The following FBN1 variants were observed in gnomAD, a reference collection of about 807,000 sequenced individuals.
FBN1 encodes fibrillin-1.
FBN1 carries 29 observed loss-of-function variants against 365.1 expected under a neutral mutation model. That is an observed-to-expected ratio of 0.08 (90% CI 0.06 to 0.11). The LOEUF (loss-of-function observed/expected upper bound fraction) is 0.11. Among genes scored for constraint, FBN1 ranks in the 10% least tolerant of loss-of-function variants. FBN1 has a pLI of 1.00. For missense variants in FBN1, 2,476 were observed against 3,703.2 expected, an observed-to-expected ratio of 0.67 and a Z score of 8.60; for synonymous variants, 1,210 against 1,270.5, an observed-to-expected ratio of 0.95 and a Z score of 1.01.
intron 6 of FBN1, among the ~76,000 whole-genome samples, chr15:48,562,549 T>C (rs1237850928): frequency 2.0e-5 from 3 of 152,188 alleles, no homozygotes; most frequent in African/African-American, 7.2e-5. Flanking sequence ...TTAAATTAAC[T>C]CAAGTCTTGG....
At chr15:48,573,150 G>A (rs1174723704) in intron 6 of FBN1, among the ~76,000 whole-genome samples, 1 of 152,136 alleles carries the variant, frequency 6.6e-6, no homozygotes, top group Non-Finnish European at 1.5e-5. Context: ...TTTCAACTAA[G>A]AAAGAAATCT....
chr15:48,484,488 C>T (rs1049900379), intron 30 of FBN1, among the ~76,000 whole-genome samples: 2 of 152,036 alleles, frequency 1.3e-5, no homozygotes, highest in Non-Finnish European at 2.9e-5. Context: ...TCTCCTGCCT[C>T]AGCCTCCCAA....
At chr15:48,420,588 T>G in intron 63 of FBN1, 99 bp downstream of exon 63, 1 of 1,494,638 alleles carries the variant, frequency 6.7e-7, no homozygotes. Context: ...TGAGTATTTG[T>G]TGCTTCAATA....
In FBN1 at chr15:48,488,285, C is replaced by A. The variant is rs771534360; in HGVS notation, c.3209-44G>T. 3.1e-6 allele frequency: 5 copies of A among 1,614,068 alleles called. No homozygotes were observed. The South Asian group carries it at 5.5e-5, about 18-fold the overall frequency. On this transcript the variant is annotated intron_variant, in intron 26 of 65. Coordinates refer to ENST00000316623, the MANE Select transcript of FBN1 (RefSeq NM_000138.5). ...TGGCAGCAAATGAGTCTCAGGACAGCCTTAATTCTTGCGACAATATGTTAA... is the reference window on the plus strand; with the variant it reads ...TGGCAGCAAATGAGTCTCAGGACAGACTTAATTCTTGCGACAATATGTTAA...
intron 2 of FBN1, among the ~76,000 whole-genome samples, chr15:48,617,415 C>T (rs964165621): frequency 3.9e-5 from 6 of 152,042 alleles, no homozygotes; most frequent in Admixed American, 1.3e-4. Context: ...CCTCGTGATC[C>T]GCCCGCCTCT....
chr15:48,521,905 C>T lies in FBN1; in HGVS notation c.989-1088G>A, dbSNP rs756559939. ...CCCAATCCCCAGTTCTGGTCTGTGGCGTGTTAGGAACTGGGCTGTACAGCA... is the reference window on the plus strand; with the variant it reads ...CCCAATCCCCAGTTCTGGTCTGTGGTGTGTTAGGAACTGGGCTGTACAGCA... On this transcript the variant is annotated intron_variant, in intron 9 of 65. Coordinates refer to ENST00000316623, the MANE Select transcript of FBN1 (RefSeq NM_000138.5). 3.9e-5 allele frequency among the ~76,000 whole-genome samples: 6 copies of T among 152,178 alleles called. No individual in the cohort carries two copies. The South Asian group carries it at 1.0e-3, about 26-fold the overall frequency.
intron 2 of FBN1, among the ~76,000 whole-genome samples, chr15:48,621,181 G>A (rs564279588): frequency 6.6e-6 from 1 of 152,210 alleles, no homozygotes; most frequent in Non-Finnish European, 1.5e-5. Context: ...TAATTTTGTA[G>A]ATGCTCTGCC....
chr15:48,618,993 T>C (rs1003017613), intron 2 of FBN1, among the ~76,000 whole-genome samples: 1 of 152,134 alleles, frequency 6.6e-6, no homozygotes, highest in Admixed American at 6.5e-5. Context: ...TGTATAATTA[T>C]CTCATAATAT....
At chr15:48,618,495 T>C (rs1443976322) in intron 2 of FBN1, among the ~76,000 whole-genome samples, 1 of 152,196 alleles carries the variant, frequency 6.6e-6, no homozygotes, top group Non-Finnish European at 1.5e-5. Flanking sequence ...CCAGTAGTGA[T>C]GTGAATACCT....
At chr15:48,486,748 G>C (rs1197652609) in intron 29 of FBN1, among the ~76,000 whole-genome samples, 2 of 152,178 alleles carry the variant, frequency 1.3e-5, no homozygotes, top group Non-Finnish European at 2.9e-5. Context: ...GTATGCATGT[G>C]TGTAGACAAA....
rs1003930679 is a variant in FBN1 at position 48,495,393 on chromosome 15, C to A, written c.2539+76G>T. 5.0e-6 allele frequency: 8 copies of A among 1,597,088 alleles called. No individual in the cohort carries two copies. In the Admixed American group the frequency reaches 8.5e-5, roughly 17 times the overall value. On this transcript the variant is annotated intron_variant, in intron 21 of 65. Coordinates refer to ENST00000316623, the MANE Select transcript of FBN1 (RefSeq NM_000138.5). ...AATATTGTTCATCCATACTTAAATT[C>A]TTTTGCAGGAAAAGCTGACATTAAG... is the stretch of plus-strand genomic sequence containing the variant.
intron 23 of FBN1, 53 bp downstream of exon 23, chr15:48,494,151 C>T (rs551601609): frequency 7.0e-7 from 1 of 1,424,582 alleles, no homozygotes; most frequent in Non-Finnish European, 9.9e-7. Context: ...CGAGTTAACA[C>T]AAACATTCAT....
At chr15:48,580,698 T>C (rs757412331) in intron 6 of FBN1, among the ~76,000 whole-genome samples, 1 of 152,154 alleles carries the variant, frequency 6.6e-6, no homozygotes, top group South Asian at 2.1e-4. Context: ...TGTGACCAAA[T>C]GTTTCTCAGG....
In FBN1 at chr15:48,438,055, T is replaced by A. The variant is rs1312179537; in HGVS notation, c.6164-138A>T. 3.3e-6 allele frequency: 3 copies of A among 897,094 alleles called. No homozygotes were observed. In the East Asian group the frequency reaches 7.4e-5, roughly 22 times the overall value. 55.6% of individuals were successfully genotyped at this position (897,094 alleles called of 1,614,324 possible). A position where few individuals can be genotyped will look rare whatever the true frequency, so the allele number is the denominator to read the frequency against. On this transcript the variant is annotated intron_variant, in intron 50 of 65. Transcript: ENST00000316623. ...AGCAATACTCCTTACGTGATTCTAA[T>A]GGTAACTGAGCTGAGATTGTTAAAG...
In FBN1 at chr15:48,632,287, T is replaced by A. The variant is rs192435175; in HGVS notation, c.164+12319A>T. On this transcript the variant is annotated intron_variant, in intron 2 of 65. Transcript: ENST00000316623. ...GGAGACTGTGGTATCCAGATAGGTA[T>A]GATTATCTAGATTTTTGCTTTAGCC... Among the ~76,000 whole-genome samples, 27 of 152,328 alleles carry A rather than the reference T, an allele frequency of 1.8e-4. No individual in the cohort carries two copies. The East Asian group carries it at 5.2e-3, about 29-fold the overall frequency.
In FBN1 at chr15:48,488,184, G is replaced by T. The variant is rs2043525347; in HGVS notation, c.3266C>A (p.Thr1089Asn). ...DLCGRGQCVN[T>N]PGDFECKCDE... is the part of the protein sequence containing the mutation. Reference sequence around the variant, plus strand: ...ACACTTGCATTCAAAGTCCCCAGGGGTGTTCACACACTGGCCTCTGCCACA... The same window carrying T: ...ACACTTGCATTCAAAGTCCCCAGGGTTGTTCACACACTGGCCTCTGCCACA... The change falls in exon 27 of 66, where the codon ACC becomes AAC. Residue 1089 changes from threonine to asparagine, a missense_variant. This residue lies in a region of FBN1 where 1,780 missense variants were observed against 2,840.8 expected (regional missense o/e 0.63). Transcript: ENST00000316623. 6.2e-7 allele frequency: 1 copy of T among 1,614,164 alleles called. No individual in the cohort carries two copies. Among genetic ancestry groups the T allele is most frequent in the Non-Finnish European group, 8.5e-7 (1 of 1,180,012 alleles).
intron 56 of FBN1, among the ~76,000 whole-genome samples, chr15:48,430,272 T>C (rs546264064): frequency 3.9e-5 from 6 of 152,184 alleles, no homozygotes; most frequent in Non-Finnish European, 8.8e-5. Context: ...TAGATCCCAA[T>C]GGTTTTGAGA....
At chr15:48,506,576 G>A (rs1422684202) in intron 15 of FBN1, among the ~76,000 whole-genome samples, 1 of 152,208 alleles carries the variant, frequency 6.6e-6, no homozygotes, top group Non-Finnish European at 1.5e-5. Context: ...GAGATGTAAG[G>A]TAGATCCAAA....
chr15:48,632,879 G>C (rs1044112654), intron 2 of FBN1, among the ~76,000 whole-genome samples: 6 of 152,216 alleles, frequency 3.9e-5, no homozygotes, highest in African/African-American at 1.4e-4. Context: ...GGAGCACAGA[G>C]CTCACAGGGT....
Sources: allele counts gnomAD v4.1 joint callset (sites outside exome capture counted in the v4.1 genomes callset), GRCh38; gene constraint gnomAD v4.1.1; regional missense constraint gnomAD v4.1.1; transcripts MANE v1.5; gene names NCBI Gene and HGNC (gene_info 2026-07-23, HGNC 2026-07-21).